The following STAM variants were observed in gnomAD, a reference collection of about 807,000 sequenced individuals.
The protein encoded by STAM is signal transducing adapter molecule 1.
STAM carries 16 observed loss-of-function variants against 63.4 expected under a neutral mutation model. That is an observed-to-expected ratio of 0.25 (90% CI 0.17 to 0.38). STAM has a LOEUF of 0.38. Among genes scored for constraint, STAM ranks in the 10% least tolerant of loss-of-function variants. The pLI is 1.00. For synonymous variants in STAM, 238 were observed against 223.9 expected, an observed-to-expected ratio of 1.06 and a Z score of -0.56; for missense variants, 636 against 657.1, an observed-to-expected ratio of 0.97 and a Z score of 0.35.
chr10:17,669,595 T>A (rs2131599994), intron 2 of STAM, among the ~76,000 whole-genome samples: 1 of 152,260 alleles, frequency 6.6e-6, no homozygotes, highest in Admixed American at 6.5e-5. Flanking sequence ...AAAAGTCTTG[T>A]ACATTTTTTG....
At chr10:17,696,026 T>C (rs1835740914) in intron 7 of STAM, 1 of 152,112 alleles carries the variant, frequency 6.6e-6, no homozygotes. Flanking sequence ...CCCTCTGGGG[T>C]CTCTTTTATA....
intron 12 of STAM, among the ~76,000 whole-genome samples, chr10:17,708,243 G>A (rs146686028): frequency 2.0e-4 from 30 of 152,248 alleles, no homozygotes; most frequent in African/African-American, 5.8e-4. Flanking sequence ...TGACAGAGCC[G>A]AGTAGTTGTG....
chr10:17,646,517 C>T (rs1833525589), intron 1 of STAM, among the ~76,000 whole-genome samples: 1 of 152,110 alleles, frequency 6.6e-6, no homozygotes, highest in Non-Finnish European at 1.5e-5. Flanking sequence ...TGAGAGGTTG[C>T]TACATAGGAG....
intron 2 of STAM, among the ~76,000 whole-genome samples, chr10:17,682,790 A>AT (rs1564550068): frequency 1.3e-5 from 2 of 152,170 alleles, no homozygotes; most frequent in Admixed American, 1.3e-4. Flanking sequence ...CAGGTATTCC[A>AT]TATCAGTACT....
intron 1 of STAM, among the ~76,000 whole-genome samples, chr10:17,653,588 A>T (rs1554821799): frequency 6.6e-6 from 1 of 152,202 alleles, no homozygotes; most frequent in Non-Finnish European, 1.5e-5. Context: ...TTCAAACAAC[A>T]GTGGATCAAA....
chr10:17,709,419 T>C (rs1270459104), intron 13 of STAM, among the ~76,000 whole-genome samples: 1 of 152,196 alleles, frequency 6.6e-6, no homozygotes, highest in East Asian at 1.9e-4. Flanking sequence ...TATATCAAGG[T>C]ACCCCATTTG....
intron 13 of STAM, among the ~76,000 whole-genome samples, chr10:17,712,876 G>A (rs183875685): frequency 1.3e-5 from 2 of 152,012 alleles, no homozygotes; most frequent in Non-Finnish European, 2.9e-5. Context: ...CGGTGGGAGC[G>A]GTAGGGAAGC....
intron 1 of STAM, among the ~76,000 whole-genome samples, chr10:17,650,402 A>G (rs962979655): frequency 2.6e-5 from 4 of 152,240 alleles, no homozygotes; most frequent in East Asian, 1.9e-4. Flanking sequence ...ATAGGCTTCA[A>G]ATATCTCAAG....
chr10:17,664,943 G>C (rs577380587), intron 2 of STAM, among the ~76,000 whole-genome samples: 1 of 152,074 alleles, frequency 6.6e-6, no homozygotes, highest in Middle Eastern at 3.2e-3. Context: ...TTTGTAACTA[G>C]TAATATATAG....
intron 10 of STAM, 117 bp from the exon 11 acceptor site, chr10:17,704,853 A>G (rs1836183709): frequency 2.3e-6 from 2 of 882,950 alleles, no homozygotes; most frequent in Admixed American, 2.4e-5. Context: ...TAAAGAATGT[A>G]TATTTTTATT....
At chr10:17,654,230 T>G (rs1833851087) in intron 1 of STAM, among the ~76,000 whole-genome samples, 1 of 151,864 alleles carries the variant, frequency 6.6e-6, no homozygotes, top group Non-Finnish European at 1.5e-5. Context: ...ATTATTATTA[T>G]TATTATTTTT....
chr10:17,699,434 A>G (rs1211772866), intron 8 of STAM, among the ~76,000 whole-genome samples: 4 of 152,202 alleles, frequency 2.6e-5, no homozygotes, highest in Middle Eastern at 3.2e-3. Flanking sequence ...GTAGAGTTGT[A>G]TATGCCTTTC....
intron 1 of STAM, among the ~76,000 whole-genome samples, chr10:17,645,129 ATTTT>A (rs1833470599): frequency 2.0e-5 from 3 of 152,144 alleles, no homozygotes; most frequent in Admixed American, 6.5e-5. Context: ...TTTTAATTTT[ATTTT>A]ATTTTATTTT....
chr10:17,657,435 A>C (rs1554822284), intron 1 of STAM, among the ~76,000 whole-genome samples: 1 of 152,044 alleles, frequency 6.6e-6, no homozygotes, highest in Non-Finnish European at 1.5e-5. Context: ...TTTTCTTGTA[A>C]TGTTTTTGTC....
chr10:17,713,247 C>T (rs1207184565), intron 13 of STAM, among the ~76,000 whole-genome samples: 4 of 152,172 alleles, frequency 2.6e-5, no homozygotes, highest in Middle Eastern at 3.2e-3. Context: ...AGTAGATGGA[C>T]TGCCTTTTTC....
Position 17,688,071 on chromosome 10 carries a change from A to G in STAM, c.342A>G (p.Glu114=). The G allele has an allele frequency of 6.2e-7, 1 of 1,608,806 alleles. No individual in the cohort carries two copies. The highest frequency in any genetic ancestry group is 1.1e-5 in the South Asian group (1 of 89,866). Residue 114 remains glutamate (E), a synonymous_variant, in exon 5 of 14, where the codon GAA becomes GAG. Coordinates refer to ENST00000377524, the MANE Select transcript of STAM (RefSeq NM_003473.4). ...AAAAATTAAAGGCTCTTATGGTTGA[A>G]TGGACAGATGAATTTAAGAATGATC... ...VCEKLKALMV[E]WTDEFKNDPQ...
intron 2 of STAM, among the ~76,000 whole-genome samples, chr10:17,679,318 G>A (rs1189826463): frequency 2.6e-5 from 4 of 152,142 alleles, no homozygotes; most frequent in Non-Finnish European, 5.9e-5. Context: ...AATTGCTAGC[G>A]ATGTTGAGCA....
In STAM at chr10:17,710,457, C is replaced by T. The variant is rs536231576; in HGVS notation, c.1385+1506C>T. Among the ~76,000 whole-genome samples, 6 of 152,336 alleles carry T rather than the reference C, an allele frequency of 3.9e-5. No individual in the cohort carries two copies. The South Asian group carries it at 6.2e-4, about 16-fold the overall frequency. On this transcript the variant is annotated intron_variant, in intron 13 of 13. Transcript: ENST00000377524. ...CTCAAGGAACACATGTTTATTTCAA[C>T]AGGTGTCTTTTGAAGAACATTTTCT...
intron 13 of STAM, 56 bp downstream of exon 13, chr10:17,709,007 C>A (rs1445227184): frequency 4.5e-6 from 7 of 1,548,226 alleles, no homozygotes; most frequent in Non-Finnish European, 6.2e-6. Context: ...TGTTTAAGTG[C>A]CCCCAGTTAT....
Sources: gnomAD v4.1 joint callset for allele counts (sites outside exome capture counted in the v4.1 genomes callset) on GRCh38, gnomAD v4.1.1 for gene constraint, MANE v1.5 for transcripts, NCBI Gene and HGNC (gene_info 2026-07-23, HGNC 2026-07-21) for gene names.